LRRC4C: variants seen among roughly 807,000 people sequenced by gnomAD.
The protein encoded by LRRC4C is leucine rich repeat containing 4C, also known as leucine-rich repeat-containing protein 4C.
Under a neutral mutation model 33.6 loss-of-function variants are expected in LRRC4C, and 5 were observed. That is an observed-to-expected ratio of 0.15 (90% CI 0.08 to 0.31). The LOEUF (loss-of-function observed/expected upper bound fraction) is 0.31. Among genes scored for constraint, LRRC4C ranks in the 10% least tolerant of loss-of-function variants. LRRC4C has a pLI of 1.00. For synonymous variants in LRRC4C, 329 were observed against 302.0 expected (o/e 1.09, Z -0.93); for missense variants, 560 against 796.7 (o/e 0.70, Z 3.58).
chr11:40,637,541 C>T (rs142998310), intron 3 of LRRC4C, among the ~76,000 whole-genome samples: 3 of 152,190 alleles, frequency 2.0e-5, no homozygotes. Context: ...CCTTATCTTT[C>T]ACTCCAAATC....
intron 1 of LRRC4C, among the ~76,000 whole-genome samples, chr11:41,118,154 G>A (rs1029863202): frequency 1.3e-5 from 2 of 152,150 alleles, no homozygotes; most frequent in Admixed American, 6.6e-5. Context: ...AAATTCCAAA[G>A]GGATGTCCTT....
intron 3 of LRRC4C, among the ~76,000 whole-genome samples, chr11:40,379,378 A>G (rs1170305521): frequency 6.6e-6 from 1 of 152,188 alleles, no homozygotes; most frequent in African/African-American, 2.4e-5. Context: ...TTTCTATAAA[A>G]AGCTTAAAAT....
At chr11:40,954,613 A>G (rs1392223787) in intron 1 of LRRC4C, among the ~76,000 whole-genome samples, 1 of 151,886 alleles carries the variant, frequency 6.6e-6, no homozygotes, top group South Asian at 2.1e-4. Context: ...CATATAAAGT[A>G]TGGTTAATCT....
chr11:40,189,867 G>A (rs775855001), intron 5 of LRRC4C, among the ~76,000 whole-genome samples: 1 of 152,116 alleles, frequency 6.6e-6, no homozygotes, highest in Non-Finnish European at 1.5e-5. Context: ...AAACATACAT[G>A]CTATCTAAAA....
intron 1 of LRRC4C, among the ~76,000 whole-genome samples, chr11:41,116,108 C>T (rs2135731225): frequency 2.0e-5 from 3 of 152,210 alleles, no homozygotes; most frequent in Middle Eastern, 3.4e-3. Context: ...CTTCTAGTCA[C>T]TGTGTTAAAT....
At chr11:41,023,418 A>G (rs1856119523) in intron 1 of LRRC4C, among the ~76,000 whole-genome samples, 1 of 151,852 alleles carries the variant, frequency 6.6e-6, no homozygotes, top group Admixed American at 6.6e-5. Flanking sequence ...ATCCATGGTA[A>G]AAGAATTAAA....
chr11:40,201,376 C>T (rs1221941719), intron 5 of LRRC4C, among the ~76,000 whole-genome samples: 1 of 152,028 alleles, frequency 6.6e-6, no homozygotes, highest in African/African-American at 2.4e-5. Context: ...TGTTTTTAAG[C>T]CCTTTTTTTG....
intron 4 of LRRC4C, among the ~76,000 whole-genome samples, chr11:40,316,040 A>T (rs555100663): frequency 6.6e-6 from 1 of 152,106 alleles, no homozygotes; most frequent in East Asian, 1.9e-4. Flanking sequence ...AGATCTAATA[A>T]CTATTTTAGC....
At chr11:40,488,427 G>A (rs1457632912) in intron 3 of LRRC4C, among the ~76,000 whole-genome samples, 1 of 152,060 alleles carries the variant, frequency 6.6e-6, no homozygotes, top group Non-Finnish European at 1.5e-5. Context: ...TCTCATGGGG[G>A]AAATAGAGTC....
At chr11:41,362,724 C>T (rs1022379351) in intron 1 of LRRC4C, among the ~76,000 whole-genome samples, 9 of 152,124 alleles carry the variant, frequency 5.9e-5, no homozygotes, top group Non-Finnish European at 1.3e-4. Context: ...GTCAGGTTCT[C>T]ATGGAAGGCT....
chr11:41,041,281 C>T (rs1278944904), intron 1 of LRRC4C, among the ~76,000 whole-genome samples: 2 of 151,990 alleles, frequency 1.3e-5, no homozygotes, highest in African/African-American at 4.8e-5. Flanking sequence ...CAGAAGAGCT[C>T]ATTTTTAATG....
At chr11:40,119,846 G>T (rs894772201) in intron 6 of LRRC4C, among the ~76,000 whole-genome samples, 3 of 151,996 alleles carry the variant, frequency 2.0e-5, no homozygotes, top group Non-Finnish European at 4.4e-5. Context: ...TTCTTTATCA[G>T]GTTCTCCCAG....
At position 40,686,692 on chromosome 11, in the gene LRRC4C, C is replaced by A. The variant is rs534562751; in HGVS notation, c.-406-38414G>T. On this transcript the variant is annotated intron_variant, in intron 2 of 6. Transcript: ENST00000528697. Reference sequence around the variant, plus strand: ...GGTTCAAAATAATTTTTTTAAAAGTCTTATTTAATTCATCTTACAAGAGCA... The same window carrying A: ...GGTTCAAAATAATTTTTTTAAAAGTATTATTTAATTCATCTTACAAGAGCA... Among the ~76,000 whole-genome samples, 21 of 152,026 alleles carry A rather than the reference C, an allele frequency of 1.4e-4. 1 individual carries two copies. Among genetic ancestry groups the A allele is most frequent in the African/African-American group, 5.1e-4 (21 of 41,448 alleles).
chr11:41,142,436 T>C (rs1485355466), intron 1 of LRRC4C, among the ~76,000 whole-genome samples: 1 of 152,196 alleles, frequency 6.6e-6, no homozygotes, highest in Non-Finnish European at 1.5e-5. Context: ...TCTGCTTTTA[T>C]AACAAGTACC....
At chr11:40,808,855 C>G (rs1048888711) in intron 2 of LRRC4C, among the ~76,000 whole-genome samples, 1 of 152,178 alleles carries the variant, frequency 6.6e-6, no homozygotes, top group Non-Finnish European at 1.5e-5. Flanking sequence ...CATCACATAT[C>G]TACATGCATC....
At chr11:41,220,849 C>T (rs1025334189) in intron 1 of LRRC4C, among the ~76,000 whole-genome samples, 2 of 152,048 alleles carry the variant, frequency 1.3e-5, no homozygotes, top group Non-Finnish European at 1.5e-5. Flanking sequence ...TGTTCTAGGC[C>T]AGTGTCTATG....
At chr11:40,426,103 T>C (rs1950705148) in intron 3 of LRRC4C, among the ~76,000 whole-genome samples, 1 of 150,144 alleles carries the variant, frequency 6.7e-6, no homozygotes, top group Non-Finnish European at 1.5e-5. Context: ...AACCTCCTCC[T>C]CCTGGGTTCA....
intron 1 of LRRC4C, among the ~76,000 whole-genome samples, chr11:41,039,530 T>G (rs1439798754): frequency 1.3e-5 from 2 of 152,208 alleles, no homozygotes; most frequent in Non-Finnish European, 2.9e-5. Context: ...AATGAACTCT[T>G]GGCCTACTAC....
intron 3 of LRRC4C, among the ~76,000 whole-genome samples, chr11:40,644,563 T>C (rs1489571579): frequency 6.6e-6 from 1 of 152,234 alleles, no homozygotes; most frequent in East Asian, 1.9e-4. Flanking sequence ...CTGTGGTATA[T>C]GCTTACCAAG....
Sources: allele counts gnomAD v4.1 joint callset (sites outside exome capture counted in the v4.1 genomes callset), GRCh38; gene constraint gnomAD v4.1.1; transcripts MANE v1.5; gene names NCBI Gene and HGNC (gene_info 2026-07-23, HGNC 2026-07-21).